STK32C: variants seen among roughly 807,000 people sequenced by gnomAD.
The protein encoded by STK32C is serine/threonine-protein kinase 32C.
A neutral mutation model predicts 56.5 loss-of-function variants in STK32C; 31 were observed. That is an observed-to-expected ratio of 0.55 (90% CI 0.41 to 0.74). The LOEUF (loss-of-function observed/expected upper bound fraction) is 0.74, where lower values mean the gene tolerates loss of function less well. Ranked by LOEUF, STK32C falls within the 30% of genes least tolerant of loss-of-function variation. The pLI is 0.00. For missense variants in STK32C, 544 were observed against 676.9 expected, an observed-to-expected ratio of 0.80 and a Z score of 2.18; for synonymous variants, 309 against 289.4, an observed-to-expected ratio of 1.07 and a Z score of -0.69.
At chr10:132,209,487 C>G (rs1166087698) in intron 10 of STK32C, 2 of 374,568 alleles carry the variant, frequency 5.3e-6, no homozygotes, top group Non-Finnish European at 1.0e-5. Flanking sequence ...ACACCTGTCC[C>G]AGGCCTGCTT....
chr10:132,302,332 C>A (rs927339703), intron 1 of STK32C, among the ~76,000 whole-genome samples: 1 of 152,242 alleles, frequency 6.6e-6, no homozygotes, highest in Non-Finnish European at 1.5e-5. Context: ...TGGATAGACA[C>A]GCAGAGCTGA....
At chr10:132,310,045 G>A (rs537600876), upstream of STK32C, among the ~76,000 whole-genome samples, 4 of 152,286 alleles carry the variant, frequency 2.6e-5, no homozygotes, top group East Asian at 7.7e-4. This position sits in a 1 kb window ranked among gnomAD's most constrained non-coding sequence, Gnocchi z 4.6. Context: ...ACGCCTCCCC[G>A]GCCCGGGCAG....
At chr10:132,281,386 G>C (rs1338186696) in intron 1 of STK32C, among the ~76,000 whole-genome samples, 1 of 152,020 alleles carries the variant, frequency 6.6e-6, no homozygotes, top group Admixed American at 6.6e-5. Context: ...AAAAACAAAA[G>C]CCTGTTAAAT....
At chr10:132,284,939 C>T (rs553103208) in intron 1 of STK32C, among the ~76,000 whole-genome samples, 1 of 141,230 alleles carries the variant, frequency 7.1e-6, no homozygotes, top group East Asian at 2.1e-4. Flanking sequence ...CACATTCCCA[C>T]GTCTGCCCAA....
chr10:132,289,727 T>A (rs1001174056), intron 1 of STK32C, among the ~76,000 whole-genome samples: 1 of 152,222 alleles, frequency 6.6e-6, no homozygotes, highest in African/African-American at 2.4e-5. Context: ...GACAGAGCCC[T>A]CTGGGGTCCC....
chr10:132,252,635 C>T (rs1331740132), intron 1 of STK32C, among the ~76,000 whole-genome samples: 1 of 152,238 alleles, frequency 6.6e-6, no homozygotes, highest in African/African-American at 2.4e-5. Flanking sequence ...CACCCAACGG[C>T]GGGCGTGGGA....
chr10:132,309,765 A>T (rs1298502411), upstream of STK32C, among the ~76,000 whole-genome samples: 1 of 152,218 alleles, frequency 6.6e-6, no homozygotes, highest in Admixed American at 6.5e-5. Flanking sequence ...TGCACACATC[A>T]GACTCCCCAG....
chr10:132,235,729 G>A (rs1233498555), intron 2 of STK32C, among the ~76,000 whole-genome samples: 2 of 151,912 alleles, frequency 1.3e-5, no homozygotes, highest in Admixed American at 6.6e-5. Flanking sequence ...CGGCGGTCAC[G>A]GACCCACCTC....
intron 1 of STK32C, among the ~76,000 whole-genome samples, chr10:132,298,323 T>C (rs2065814572): frequency 6.6e-6 from 1 of 152,222 alleles, no homozygotes; most frequent in South Asian, 2.1e-4. Context: ...CCCGGCATCT[T>C]CTACTCTGCG....
upstream of STK32C, chr10:132,307,997 A>G (rs868491545): frequency 5.7e-5 from 11 of 194,528 alleles, no homozygotes; most frequent in African/African-American, 1.2e-4. The surrounding 1 kb of genome is among the most constrained non-coding windows in gnomAD (Gnocchi z 4.4). Context: ...GGGGCGGGGC[A>G]GGGGCGGGGC....
chr10:132,289,502 T>C (rs1380387048), intron 1 of STK32C, among the ~76,000 whole-genome samples: 3 of 152,212 alleles, frequency 2.0e-5, no homozygotes. Context: ...CTTCACAAAG[T>C]AAGCCACACA....
chr10:132,293,128 G>A lies in STK32C; in HGVS notation c.262+14444C>T, dbSNP rs561662423. ...GTCAGTGCAGCGCGTGCATGCGTGC[G>A]GGGAGGGCAGCGCTGGGGAAGAGCC... On this transcript the variant is annotated intron_variant, in intron 1 of 11. Coordinates refer to ENST00000298630, the MANE Select transcript of STK32C (RefSeq NM_173575.4). Among the ~76,000 whole-genome samples, 290 of 152,350 alleles carry A rather than the reference G, an allele frequency of 1.9e-3. 3 individuals are homozygous for A. The highest frequency in any genetic ancestry group is 6.3e-3 in the African/African-American group (260 of 41,580).
At chr10:132,331,751 T>C (rs1564812203) in exon 1 of STK32C, 2 of 1,611,242 alleles carry the variant, frequency 1.2e-6, no homozygotes, top group Non-Finnish European at 1.7e-6. Context: ...CTCTCTTCCT[T>C]CCCCTCTGTG....
intron 1 of STK32C, among the ~76,000 whole-genome samples, chr10:132,318,761 AGTTT>A (rs574594673): frequency 2.4e-4 from 37 of 152,274 alleles, no homozygotes; most frequent in African/African-American, 8.7e-4. Flanking sequence ...AATTGCTTTT[AGTTT>A]ATTTTTTCTT....
At chr10:132,314,401 T>A (rs572550817) in intron 1 of STK32C, among the ~76,000 whole-genome samples, 1 of 152,164 alleles carries the variant, frequency 6.6e-6, no homozygotes, top group East Asian at 1.9e-4. Flanking sequence ...GTGGCCCAGC[T>A]AACGAGCCAA....
chr10:132,227,400 A>C (rs933165514), intron 3 of STK32C, among the ~76,000 whole-genome samples: 2 of 152,188 alleles, frequency 1.3e-5, no homozygotes, highest in Non-Finnish European at 2.9e-5. Context: ...ACCAGCATCC[A>C]TGGTGTTGAC....
At chr10:132,221,907 G>A (rs1342023357) in intron 10 of STK32C, among the ~76,000 whole-genome samples, 1 of 141,122 alleles carries the variant, frequency 7.1e-6, no homozygotes, top group Non-Finnish European at 1.6e-5. Context: ...CTGGGCAAGT[G>A]TGAGGGCTTC....
chr10:132,244,270 AC>A (rs1318320402), intron 2 of STK32C, among the ~76,000 whole-genome samples: 2 of 152,122 alleles, frequency 1.3e-5, no homozygotes, highest in African/African-American at 4.8e-5. Context: ...TGAACACGGC[AC>A]CCAGCAGCTC....
At position 132,218,919 on chromosome 10, in the gene STK32C, C is replaced by T. The variant is rs1386969043; in HGVS notation, c.1251+3722G>A. 2.6e-5 allele frequency among the ~76,000 whole-genome samples: 4 copies of T among 152,340 alleles called. No individual in the cohort carries two copies. The East Asian group carries it at 7.7e-4, about 29-fold the overall frequency. On this transcript the variant is annotated intron_variant, in intron 10 of 11. Transcript: ENST00000298630. The stretch of plus-strand genomic sequence containing the variant: ...CTACAACGTGGACGGGCCTCAAAAG[C>T]ATCCTGCGAAGTGAAAGAAGCCAGC...
Sources: allele counts gnomAD v4.1 joint callset (sites outside exome capture counted in the v4.1 genomes callset), GRCh38; gene constraint gnomAD v4.1.1; non-coding constraint Gnocchi (gnomAD v3.1); transcripts MANE v1.5; gene names NCBI Gene and HGNC (gene_info 2026-07-23, HGNC 2026-07-21).